The following RSRC1 variants were observed in gnomAD, a reference collection of about 807,000 sequenced individuals.
RSRC1 encodes the protein serine/Arginine-related protein 53.
Under a neutral mutation model 49.1 loss-of-function variants are expected in RSRC1, and 39 were observed. That is an observed-to-expected ratio of 0.79 (90% CI 0.61 to 1.04). The LOEUF is 1.04. RSRC1 is among the 50% of genes least tolerant of loss of function. The probability of loss-of-function intolerance (pLI) is 0.00; values close to 1 mark genes in which losing one functional copy is unlikely to be tolerated. For missense variants in RSRC1, 388 were observed against 402.4 expected (o/e 0.96, Z 0.31); for synonymous variants, 143 against 130.8 (o/e 1.09, Z -0.63).
chr3:158,351,113 T>A (rs1406693579), intron 5 of RSRC1, among the ~76,000 whole-genome samples: 1 of 152,204 alleles, frequency 6.6e-6, no homozygotes, highest in African/African-American at 2.4e-5. Flanking sequence ...AGCTACTTTT[T>A]CTGAGCCAGG....
At chr3:158,270,163 C>A (rs1377810611) in intron 4 of RSRC1, among the ~76,000 whole-genome samples, 2 of 152,172 alleles carry the variant, frequency 1.3e-5, no homozygotes, top group Non-Finnish European at 2.9e-5. Context: ...AAACACTCTT[C>A]ATTGCTGTTC....
chr3:158,320,041 CATT>C (rs1233072529), intron 5 of RSRC1, among the ~76,000 whole-genome samples: 3 of 152,144 alleles, frequency 2.0e-5, no homozygotes, highest in African/African-American at 7.2e-5. Flanking sequence ...TGTAAAATAG[CATT>C]GTTGTTAGAA....
At chr3:158,388,602 C>T (rs191730828) in intron 6 of RSRC1, among the ~76,000 whole-genome samples, 20 of 125,826 alleles carry the variant, frequency 1.6e-4, no homozygotes, top group Admixed American at 1.1e-3. Context: ...CCAAATTAGC[C>T]GTGTTTTTTG....
At chr3:158,240,084 T>G (rs1183794158) in intron 4 of RSRC1, among the ~76,000 whole-genome samples, 1 of 152,208 alleles carries the variant, frequency 6.6e-6, no homozygotes, top group Non-Finnish European at 1.5e-5. Flanking sequence ...TCTTCATTTA[T>G]TTATGAGTTT....
In RSRC1 at chr3:158,477,798, T is replaced by TTATATATATATATATATATATA. The variant is rs67839411; in HGVS notation, c.652+16803_652+16824dup. Among the ~76,000 whole-genome samples, 66 of 89,746 alleles carry TTATATATATATATATATATATA rather than the reference T, an allele frequency of 7.4e-4. 1 individual carries two copies. The highest frequency in any genetic ancestry group is 2.9e-3 in the African/African-American group (63 of 21,626). The allele number at this position is 89,746 out of a possible 152,430, so 58.9% of individuals were successfully genotyped here. A position where few individuals can be genotyped will look rare whatever the true frequency, so the allele number is the denominator to read the frequency against. ...TGATGGGATAGGTTGCGGGAGGGAT[T>TTATATATATATATATATATATA]TATATATATATATATATATATATAT... On this transcript the variant is annotated intron_variant, in intron 7 of 9. Coordinates refer to ENST00000611884, the MANE Select transcript of RSRC1 (RefSeq NM_001271838.2).
intron 3 of RSRC1, among the ~76,000 whole-genome samples, chr3:158,149,843 C>T (rs576839878): frequency 1.3e-5 from 2 of 152,208 alleles, no homozygotes; most frequent in East Asian, 3.9e-4. Context: ...GTTCTGGCAA[C>T]CTCAAGGGAA....
intron 3 of RSRC1, among the ~76,000 whole-genome samples, chr3:158,146,904 C>A (rs1271837317): frequency 6.6e-6 from 1 of 152,040 alleles, no homozygotes; most frequent in African/African-American, 2.4e-5. Context: ...AGAAATATTT[C>A]TAGCTAAGAT....
chr3:158,199,927 C>T lies in RSRC1; in HGVS notation c.321-3145C>T, dbSNP rs899711580. ...GACCCTTTTGATCATCATGAAGTAT[C>T]CATTTTTATTTTGGGTGACACTCTT... On this transcript the variant is annotated intron_variant, in intron 3 of 9. Coordinates refer to ENST00000611884, the MANE Select transcript of RSRC1 (RefSeq NM_001271838.2). Among the ~76,000 whole-genome samples the T allele has an allele frequency of 4.6e-5, 7 of 152,202 alleles. No individual in the cohort carries two copies. The South Asian group carries it at 1.5e-3, about 32-fold the overall frequency.
rs767416909 is a variant in RSRC1 at position 158,477,801 on chromosome 3, TATATATATATA to T, written c.652+16799_652+16809del. On this transcript the variant is annotated intron_variant, in intron 7 of 9. Coordinates refer to ENST00000611884, the MANE Select transcript of RSRC1 (RefSeq NM_001271838.2). ...TGGGATAGGTTGCGGGAGGGATTTA[TATATATATATA>T]TATATATATATATATGAAAGCCCTA... Among the ~76,000 whole-genome samples, 46 of 80,624 alleles carry T rather than the reference TATATATATATA, an allele frequency of 5.7e-4. 3 individuals are homozygous for T. Among genetic ancestry groups the T allele is most frequent in the East Asian group, 2.9e-3 (5 of 1,710 alleles). The allele number at this position is 80,624 out of a possible 152,430, so 52.9% of individuals were successfully genotyped here.
intron 7 of RSRC1, among the ~76,000 whole-genome samples, chr3:158,500,397 G>A (rs1578550126): frequency 6.6e-6 from 1 of 152,004 alleles, no homozygotes; most frequent in African/African-American, 2.4e-5. Flanking sequence ...AATTGGGGAG[G>A]GTTCCTACTT....
intron 7 of RSRC1, among the ~76,000 whole-genome samples, chr3:158,479,776 T>C (rs1007616475): frequency 1.1e-4 from 17 of 152,170 alleles, no homozygotes; most frequent in African/African-American, 4.1e-4. Flanking sequence ...TGATATTGCC[T>C]GTAGGTATTA....
intron 4 of RSRC1, among the ~76,000 whole-genome samples, chr3:158,220,426 A>G (rs1338508946): frequency 6.6e-6 from 1 of 151,498 alleles, no homozygotes; most frequent in Admixed American, 6.6e-5. Flanking sequence ...TGTTCTTCTG[A>G]CGCCGTACCG....
chr3:158,199,972 A>T (rs1720935558), intron 3 of RSRC1, among the ~76,000 whole-genome samples: 1 of 127,490 alleles, frequency 7.8e-6, no homozygotes, highest in South Asian at 2.3e-4. Flanking sequence ...AGTATAGTTT[A>T]TGTGACATTA....
At chr3:158,455,346 C>T (rs139794722) in intron 6 of RSRC1, among the ~76,000 whole-genome samples, 191 of 152,098 alleles carry the variant, frequency 1.3e-3, no homozygotes, top group African/African-American at 4.5e-3. Flanking sequence ...AATATTAATA[C>T]AGCCTTTTCT....
intron 7 of RSRC1, among the ~76,000 whole-genome samples, chr3:158,508,825 G>A (rs2108470120): frequency 6.6e-6 from 1 of 152,162 alleles, no homozygotes; most frequent in Admixed American, 6.6e-5. Flanking sequence ...CAAGAAGGAT[G>A]TACAATAATA....
At chr3:158,311,695 A>G (rs1291157730) in intron 5 of RSRC1, among the ~76,000 whole-genome samples, 1 of 152,056 alleles carries the variant, frequency 6.6e-6, no homozygotes, top group African/African-American at 2.4e-5. Flanking sequence ...GAAAATTGCT[A>G]AGAGAGTAGA....
intron 7 of RSRC1, among the ~76,000 whole-genome samples, chr3:158,468,008 A>G (rs1737963963): frequency 6.6e-6 from 1 of 152,176 alleles, no homozygotes; most frequent in Admixed American, 6.5e-5. Context: ...ATCTTGGCTC[A>G]CTGCAAGCTC....
chr3:158,453,680 T>A (rs900772616), intron 6 of RSRC1, among the ~76,000 whole-genome samples: 1 of 152,118 alleles, frequency 6.6e-6, no homozygotes, highest in Admixed American at 6.6e-5. Context: ...GCGTTTTGAA[T>A]AAAAGCTTAT....
chr3:158,269,399 A>G (rs1725380619), intron 4 of RSRC1, among the ~76,000 whole-genome samples: 1 of 152,224 alleles, frequency 6.6e-6, no homozygotes, highest in African/African-American at 2.4e-5. Context: ...CAAATTTTGA[A>G]GGCATTTTAA....
Sources: allele counts gnomAD v4.1 joint callset (sites outside exome capture counted in the v4.1 genomes callset), GRCh38; gene constraint gnomAD v4.1.1; transcripts MANE v1.5; gene names NCBI Gene and HGNC (gene_info 2026-07-23, HGNC 2026-07-21).